Variants in CSMD1 observed in about 807,000 individuals in gnomAD.
CSMD1 encodes the protein CUB and Sushi multiple domains 1.
A neutral mutation model predicts 417.5 loss-of-function variants in CSMD1; 213 were observed. The ratio of observed to expected loss-of-function variants is 0.51; its 90% CI spans 0.46 to 0.57. CSMD1 has a LOEUF of 0.57. CSMD1 is among the 20% of genes least tolerant of loss of function. The probability of loss-of-function intolerance (pLI) is 0.00; values close to 1 mark genes in which losing one functional copy is unlikely to be tolerated. For missense variants in CSMD1, 6,923 were observed against 4,529.7 expected, an observed-to-expected ratio of 1.53 and a Z score of -15.17; for synonymous variants, 2,862 against 1,736.8, an observed-to-expected ratio of 1.65 and a Z score of -16.11.
intron 6 of CSMD1, among the ~76,000 whole-genome samples, chr8:3,709,427 T>C (rs1047498201): frequency 6.6e-5 from 10 of 152,058 alleles, no homozygotes; most frequent in African/African-American, 2.2e-4. Context: ...CTGTGAGGGT[T>C]AGTTTTATGT....
At chr8:4,066,145 G>C (rs1188180276) in intron 3 of CSMD1, among the ~76,000 whole-genome samples, 2 of 151,392 alleles carry the variant, frequency 1.3e-5, no homozygotes, top group Non-Finnish European at 2.9e-5. Flanking sequence ...TTCTCTGTTT[G>C]GAAGACTCAC....
At chr8:4,222,349 AGT>A (rs1801081306) in intron 3 of CSMD1, among the ~76,000 whole-genome samples, 2 of 146,650 alleles carry the variant, frequency 1.4e-5, no homozygotes, top group Non-Finnish European at 3.0e-5. Context: ...GTTTTGCCTC[AGT>A]CTTATTCTGT....
chr8:3,735,482 A>G (rs1403502244), intron 6 of CSMD1, among the ~76,000 whole-genome samples: 1 of 152,240 alleles, frequency 6.6e-6, no homozygotes, highest in Non-Finnish European at 1.5e-5. Context: ...CTGTGTCAAT[A>G]TATTCATGTT....
chr8:3,431,279 C>T (rs1404142520), intron 12 of CSMD1, among the ~76,000 whole-genome samples: 1 of 152,154 alleles, frequency 6.6e-6, no homozygotes, highest in Non-Finnish European at 1.5e-5. Flanking sequence ...GATGTCACAC[C>T]TGGGCCATCA....
At chr8:4,166,008 A>C (rs1457793957) in intron 3 of CSMD1, among the ~76,000 whole-genome samples, 1 of 152,206 alleles carries the variant, frequency 6.6e-6, no homozygotes, top group African/African-American at 2.4e-5. Context: ...GGGACTGTAC[A>C]TCTCTTTATA....
At chr8:4,594,718 T>A (rs562734176) in intron 2 of CSMD1, among the ~76,000 whole-genome samples, 6 of 152,182 alleles carry the variant, frequency 3.9e-5, no homozygotes, top group Non-Finnish European at 1.5e-5. Context: ...CATTTAACAT[T>A]TGAAATTGTT....
At chr8:3,522,701 T>C (rs1797557987) in intron 10 of CSMD1, among the ~76,000 whole-genome samples, 1 of 152,062 alleles carries the variant, frequency 6.6e-6, no homozygotes, top group African/African-American at 2.4e-5. Flanking sequence ...TCCCGGTACA[T>C]TCACACCGAT....
intron 3 of CSMD1, among the ~76,000 whole-genome samples, chr8:4,328,832 C>A (rs1377231433): frequency 6.6e-6 from 1 of 152,162 alleles, no homozygotes; most frequent in South Asian, 2.1e-4. Context: ...GTTTTAGAAG[C>A]TTAAGCAATT....
At chr8:3,235,237 G>T (rs1162445342) in intron 26 of CSMD1, among the ~76,000 whole-genome samples, 1 of 152,090 alleles carries the variant, frequency 6.6e-6, no homozygotes, top group South Asian at 2.1e-4. Context: ...GTGAGCCAAG[G>T]ACATCAGGGA....
At chr8:4,588,214 T>C (rs1173232440) in intron 2 of CSMD1, among the ~76,000 whole-genome samples, 7 of 152,042 alleles carry the variant, frequency 4.6e-5, no homozygotes, top group Admixed American at 3.3e-4. Flanking sequence ...AGAAGAAATA[T>C]ATTGCTGGTG....
At chr8:4,678,772 C>T (rs901812664) in intron 1 of CSMD1, among the ~76,000 whole-genome samples, 11 of 152,154 alleles carry the variant, frequency 7.2e-5, no homozygotes, top group Admixed American at 2.6e-4. Flanking sequence ...AGTTGTCTCT[C>T]GTCTTACCTT....
At chr8:3,443,194 C>T (rs769142) in intron 12 of CSMD1, among the ~76,000 whole-genome samples, 2,603 of 152,244 alleles carry the variant, frequency 0.017, 62 homozygotes, top group African/African-American at 0.059. Flanking sequence ...AGAGGATACA[C>T]GCACAAGGCT....
intron 2 of CSMD1, among the ~76,000 whole-genome samples, chr8:4,592,301 G>C (rs962066443): frequency 1.3e-5 from 2 of 151,686 alleles, no homozygotes; most frequent in African/African-American, 4.9e-5. Flanking sequence ...TATATTTACA[G>C]TGGTAATTGG....
chr8:3,040,395 T>C (rs1018844395), intron 50 of CSMD1, among the ~76,000 whole-genome samples: 1 of 128,176 alleles, frequency 7.8e-6, no homozygotes, highest in African/African-American at 4.0e-5. Flanking sequence ...GAAATATATA[T>C]ATATATATAT....
intron 5 of CSMD1, among the ~76,000 whole-genome samples, chr8:3,896,093 G>T (rs946479322): frequency 2.6e-5 from 4 of 152,132 alleles, no homozygotes; most frequent in Admixed American, 2.6e-4. Flanking sequence ...ACCTCTGATG[G>T]TAACTTCCTG....
At chr8:4,929,572 G>A (rs578233671) in intron 1 of CSMD1, among the ~76,000 whole-genome samples, 21 of 152,294 alleles carry the variant, frequency 1.4e-4, no homozygotes, top group African/African-American at 4.6e-4. Context: ...AAAAAAGCTA[G>A]TCTCAAGGTG....
At chr8:3,375,276 A>G (rs1001045380) in intron 18 of CSMD1, 6 of 152,206 alleles carry the variant, frequency 3.9e-5, no homozygotes, top group Admixed American at 2.0e-4. Context: ...GCTTTCTTCA[A>G]CTGGTGTGTT....
intron 2 of CSMD1, among the ~76,000 whole-genome samples, chr8:4,448,533 T>C (rs900397086): frequency 6.6e-6 from 1 of 152,200 alleles, no homozygotes; most frequent in Non-Finnish European, 1.5e-5. Context: ...TAAGTTTACA[T>C]AAATCATGGG....
intron 23 of CSMD1, among the ~76,000 whole-genome samples, chr8:3,319,739 A>C (rs1397787322): frequency 1.3e-5 from 2 of 152,162 alleles, no homozygotes; most frequent in Non-Finnish European, 2.9e-5. Context: ...GAAAAGTGTC[A>C]GAAGAACATT....
Sources: allele counts gnomAD v4.1 joint callset (sites outside exome capture counted in the v4.1 genomes callset), GRCh38; gene constraint gnomAD v4.1.1; transcripts MANE v1.5; gene names NCBI Gene and HGNC (gene_info 2026-07-23, HGNC 2026-07-21).